The following PPFIA2 variants were observed in gnomAD, a reference collection of about 807,000 sequenced individuals.
PPFIA2 encodes liprin-alpha-2.
In PPFIA2, 46 loss-of-function variants were observed where a neutral mutation model predicts 175.5. The ratio of observed to expected loss-of-function variants is 0.26; its 90% CI spans 0.21 to 0.34. The LOEUF (loss-of-function observed/expected upper bound fraction) is 0.34. Among genes scored for constraint, PPFIA2 ranks in the 10% least tolerant of loss-of-function variants. The pLI is 1.00. For synonymous variants in PPFIA2, 568 were observed against 511.4 expected (o/e 1.11, Z -1.49); for missense variants, 1,179 against 1,506.1 (o/e 0.78, Z 3.60).
chr12:81,383,479 C>A (rs1360912390), intron 9 of PPFIA2, among the ~76,000 whole-genome samples: 2 of 151,420 alleles, frequency 1.3e-5, no homozygotes, highest in African/African-American at 4.9e-5. Flanking sequence ...TTGATATTAG[C>A]CAAGAGACTG....
chr12:81,346,353 C>A (rs1355444428), intron 18 of PPFIA2, among the ~76,000 whole-genome samples: 1 of 152,008 alleles, frequency 6.6e-6, no homozygotes, highest in East Asian at 1.9e-4. Flanking sequence ...AAAACCTCCA[C>A]TCTCTGTTGA....
intron 3 of PPFIA2, among the ~76,000 whole-genome samples, chr12:81,678,138 T>C (rs927160292): frequency 2.0e-5 from 3 of 151,774 alleles, no homozygotes; most frequent in South Asian, 2.1e-4. Context: ...TCACCTCTTA[T>C]CTGTTTGCAT....
intron 4 of PPFIA2, among the ~76,000 whole-genome samples, chr12:81,481,526 A>G (rs1227433664): frequency 6.6e-6 from 1 of 152,176 alleles, no homozygotes; most frequent in Non-Finnish European, 1.5e-5. Flanking sequence ...ACATCATGGT[A>G]CTGGTACCAA....
chr12:81,611,802 G>A (rs1049960866), intron 4 of PPFIA2, among the ~76,000 whole-genome samples: 7 of 152,114 alleles, frequency 4.6e-5, no homozygotes, highest in South Asian at 2.1e-4. Flanking sequence ...GCTCCATGCC[G>A]TCTCAAGGCC....
intron 4 of PPFIA2, among the ~76,000 whole-genome samples, chr12:81,463,944 G>A (rs1397755887): frequency 6.6e-6 from 1 of 152,008 alleles, no homozygotes; most frequent in East Asian, 1.9e-4. Context: ...TCTAACTTCT[G>A]TGCACTCCTG....
At chr12:81,617,108 A>T (rs994214647) in intron 4 of PPFIA2, among the ~76,000 whole-genome samples, 2 of 152,200 alleles carry the variant, frequency 1.3e-5, no homozygotes, top group Non-Finnish European at 2.9e-5. Context: ...TTTTTAACTT[A>T]CTAGGGCATT....
chr12:81,371,928 A>C (rs1033035006), intron 11 of PPFIA2, among the ~76,000 whole-genome samples: 106 of 137,754 alleles, frequency 7.7e-4, no homozygotes, highest in African/African-American at 2.5e-3. Flanking sequence ...CACACACACA[A>C]ACACACACAC....
At chr12:81,615,913 T>C (rs1311750613) in intron 4 of PPFIA2, among the ~76,000 whole-genome samples, 1 of 152,080 alleles carries the variant, frequency 6.6e-6, no homozygotes, top group Non-Finnish European at 1.5e-5. Context: ...GGATAATCAC[T>C]AGAGCCATGT....
chr12:81,293,535 A>G (rs2045616448), intron 24 of PPFIA2, among the ~76,000 whole-genome samples: 1 of 152,158 alleles, frequency 6.6e-6, no homozygotes, highest in Non-Finnish European at 1.5e-5. Context: ...ACAAACATAT[A>G]AAAAAGCTCA....
intron 24 of PPFIA2, among the ~76,000 whole-genome samples, chr12:81,289,899 A>T (rs2044456816): frequency 6.6e-6 from 1 of 151,774 alleles, no homozygotes; most frequent in Non-Finnish European, 1.5e-5. Context: ...CTACTAGGTA[A>T]GAGACTTTCT....
chr12:81,674,635 T>A (rs2072103422), intron 4 of PPFIA2, among the ~76,000 whole-genome samples: 2 of 152,164 alleles, frequency 1.3e-5, no homozygotes, highest in South Asian at 4.1e-4. Flanking sequence ...TGCACTCCCA[T>A]CTGGGTGACA....
Position 81,347,644 on chromosome 12 carries a change from A to G in PPFIA2, c.2121T>C (p.Ser707=). The G allele has an allele frequency of 6.2e-7, 1 of 1,613,848 alleles. No homozygotes were observed. The highest frequency in any genetic ancestry group is 8.5e-7 in the Non-Finnish European group (1 of 1,179,800). The change falls in exon 18 of 33, where the codon TCT becomes TCC. Residue 707 remains serine (S), a synonymous_variant. Coordinates refer to ENST00000549396, the MANE Select transcript of PPFIA2 (RefSeq NM_003625.5). ...AACTGGCCAGCGATGAAGCTGTAAC[A>G]GAGGCAGTAATGGAGGTACCTGGGT... is the stretch of plus-strand genomic sequence containing the variant. The part of the protein sequence containing the change: ...RVHPGTSITA[S]VTASSLASSS...
At chr12:81,724,313 C>G (rs557798602) in intron 3 of PPFIA2, among the ~76,000 whole-genome samples, 1 of 150,754 alleles carries the variant, frequency 6.6e-6, no homozygotes, top group Non-Finnish European at 1.5e-5. Flanking sequence ...TAATTTTGAG[C>G]CTTCTATTTA....
At chr12:81,691,123 C>T (rs1247580790) in intron 3 of PPFIA2, among the ~76,000 whole-genome samples, 1 of 152,084 alleles carries the variant, frequency 6.6e-6, no homozygotes, top group Non-Finnish European at 1.5e-5. Flanking sequence ...CAGCCTACCA[C>T]AAGGGGTAAT....
At chr12:81,706,409 C>A (rs1314423022) in intron 3 of PPFIA2, among the ~76,000 whole-genome samples, 1 of 152,172 alleles carries the variant, frequency 6.6e-6, no homozygotes, top group East Asian at 1.9e-4. Flanking sequence ...TCATAACTAT[C>A]TTTACTGTTA....
intron 3 of PPFIA2, among the ~76,000 whole-genome samples, chr12:81,723,364 T>C (rs1338011619): frequency 2.0e-5 from 3 of 151,074 alleles, no homozygotes; most frequent in South Asian, 2.1e-4. Flanking sequence ...TGAAATGATA[T>C]ATGACACATA....
At chr12:81,646,383 G>T (rs2066075348) in intron 4 of PPFIA2, among the ~76,000 whole-genome samples, 1 of 152,086 alleles carries the variant, frequency 6.6e-6, no homozygotes, top group South Asian at 2.1e-4. Flanking sequence ...GCTGAGGTTT[G>T]GTGCAGAGAG....
At chr12:81,621,449 G>C (rs2062033198) in intron 4 of PPFIA2, among the ~76,000 whole-genome samples, 2 of 152,214 alleles carry the variant, frequency 1.3e-5, no homozygotes, top group South Asian at 4.1e-4. Context: ...GGAAGGATCT[G>C]AGCAGTGGGA....
intron 21 of PPFIA2, among the ~76,000 whole-genome samples, chr12:81,337,763 A>G (rs1287972343): frequency 1.3e-5 from 2 of 152,122 alleles, no homozygotes; most frequent in African/African-American, 4.8e-5. Context: ...AAAAATAACC[A>G]CTCACACTAT....
Sources: gnomAD v4.1 joint callset for allele counts (sites outside exome capture counted in the v4.1 genomes callset) on GRCh38, gnomAD v4.1.1 for gene constraint, MANE v1.5 for transcripts, NCBI Gene and HGNC (gene_info 2026-07-23, HGNC 2026-07-21) for gene names.